PSMA3: variants seen among roughly 807,000 people sequenced by gnomAD.
PSMA3 encodes the protein proteasome 20S subunit alpha 3.
Under a neutral mutation model 40.0 loss-of-function variants are expected in PSMA3, and 8 were observed. The observed-to-expected ratio is 0.20, with a 90% CI of 0.12 to 0.36. PSMA3 has a LOEUF of 0.36. Among genes scored for constraint, PSMA3 ranks in the 10% least tolerant of loss-of-function variants. The pLI is 1.00. For synonymous variants in PSMA3, 110 were observed against 100.0 expected (o/e 1.10, Z -0.59); for missense variants, 219 against 310.6 (o/e 0.70, Z 2.22).
At chr14:58,267,784 T>A in intron 8 of PSMA3, 1 of 383,662 alleles carries the variant, frequency 2.6e-6, no homozygotes, top group Non-Finnish European at 3.8e-6. Context: ...ATTAGGGTCT[T>A]AATTTGTTAG....
chr14:58,264,497 TGA>T (rs1402668920), intron 7 of PSMA3, among the ~76,000 whole-genome samples: 2 of 152,322 alleles, frequency 1.3e-5, no homozygotes, highest in South Asian at 2.1e-4. Flanking sequence ...TCAATATTAT[TGA>T]TTACCTGTCA....
intron 9 of PSMA3, 77 bp from the exon 10 acceptor site, chr14:58,270,857 T>A (rs1468136506): frequency 8.2e-7 from 1 of 1,220,952 alleles, no homozygotes; most frequent in Non-Finnish European, 1.2e-6. Context: ...GTGGATTGGG[T>A]AGATCCTATG....
At chr14:58,256,416 CT>C (rs377353285) in intron 3 of PSMA3, among the ~76,000 whole-genome samples, 406 of 136,524 alleles carry the variant, frequency 3.0e-3, no homozygotes, top group Middle Eastern at 7.3e-3. Flanking sequence ...TGAGCATTTC[CT>C]TTTTTTTTTT....
chr14:58,253,151 A>C (rs571359766), intron 3 of PSMA3, among the ~76,000 whole-genome samples: 52 of 152,038 alleles, frequency 3.4e-4, no homozygotes, highest in African/African-American at 1.2e-3. Context: ...TGCCCAGCTA[A>C]TTTTTATATT....
At chr14:58,267,356 C>A in intron 7 of PSMA3, 118 bp from the exon 8 acceptor site, 1 of 1,257,902 alleles carries the variant, frequency 7.9e-7, no homozygotes, top group Non-Finnish European at 1.0e-6. Context: ...CGATTCTGGT[C>A]TTTTTCAGAC....
intron 3 of PSMA3, among the ~76,000 whole-genome samples, chr14:58,253,686 C>T (rs774143091): frequency 6.6e-5 from 10 of 152,064 alleles, no homozygotes; most frequent in Non-Finnish European, 1.5e-4. Flanking sequence ...CTCTGCCTCC[C>T]GGGTTCAAGC....
At chr14:58,251,414 T>C (rs1189232011) in intron 2 of PSMA3, among the ~76,000 whole-genome samples, 1 of 152,152 alleles carries the variant, frequency 6.6e-6, no homozygotes, top group Non-Finnish European at 1.5e-5. Context: ...GCCTCCCAGG[T>C]AGCTGGGACT....
chr14:58,257,619 A>T, intron 3 of PSMA3, 126 bp from the exon 4 acceptor site: 1 of 753,930 alleles, frequency 1.3e-6, no homozygotes, highest in Non-Finnish European at 2.1e-6. Context: ...AGAGACCTTT[A>T]AGCCAAAAAA....
At chr14:58,255,852 CTGTTTTTGTTTT>C (rs752930955) in intron 3 of PSMA3, among the ~76,000 whole-genome samples, 1 of 152,246 alleles carries the variant, frequency 6.6e-6, no homozygotes, top group Non-Finnish European at 1.5e-5. Context: ...AACTGCAATT[CTGTTTTTGTTTT>C]TGTTTTTGTT....
intron 3 of PSMA3, among the ~76,000 whole-genome samples, chr14:58,255,183 G>C (rs1890115562): frequency 1.3e-5 from 1 of 75,728 alleles, no homozygotes; most frequent in African/African-American, 5.3e-5. Flanking sequence ...AAACTTAGTA[G>C]CCGTTTTTTT....
At chr14:58,259,434 C>T (rs1242938655) in intron 5 of PSMA3, among the ~76,000 whole-genome samples, 1 of 152,160 alleles carries the variant, frequency 6.6e-6, no homozygotes, top group Admixed American at 6.6e-5. Flanking sequence ...CCTGCCTCAA[C>T]CTCCTGAGTA....
chr14:58,268,104 T>G (rs1566645065), intron 8 of PSMA3: 2 of 152,212 alleles, frequency 1.3e-5, no homozygotes, highest in Admixed American at 1.3e-4. Context: ...TAACAGGTAT[T>G]TGGACAGTAA....
intron 8 of PSMA3, 26 bp from the exon 9 acceptor site, chr14:58,270,392 T>G (rs543974074): frequency 6.2e-7 from 1 of 1,612,542 alleles, no homozygotes; most frequent in Non-Finnish European, 8.5e-7. Context: ...GTTACCAAAA[T>G]CTTACCTTTC....
At chr14:58,270,645 CGTT>C (rs1318230413) in intron 9 of PSMA3, among the ~76,000 whole-genome samples, 160 bp downstream of exon 9, 3 of 152,140 alleles carry the variant, frequency 2.0e-5, no homozygotes, top group African/African-American at 4.8e-5. Flanking sequence ...GTTGTGAACA[CGTT>C]ATTTTTTGAA....
At chr14:58,263,202 C>T (rs1380219904) in intron 6 of PSMA3, among the ~76,000 whole-genome samples, 2 of 152,006 alleles carry the variant, frequency 1.3e-5, no homozygotes, top group Non-Finnish European at 2.9e-5. Context: ...CCAGGCCGGT[C>T]TCCAACTCCT....
intron 2 of PSMA3, among the ~76,000 whole-genome samples, chr14:58,249,445 C>T (rs779375007): frequency 6.6e-6 from 1 of 152,184 alleles, no homozygotes; most frequent in Non-Finnish European, 1.5e-5. Flanking sequence ...CTGCCTTGGC[C>T]TCCCAAAGTG....
Position 58,257,996 on chromosome 14 carries a change from C to T in PSMA3, c.402C>T (p.Cys134=), listed in dbSNP as rs1890186176. ...TLYSAVRPFG[C]SFMLGSYSVN... ...ACAGTGCTGTTAGACCTTTTGGCTG[C>T]AGGTAAGAAATTTTGTGAATTATTC... is the stretch of plus-strand genomic sequence containing the variant. The change falls in exon 5 of 11, where the codon TGC becomes TGT. Residue 134 remains cysteine (C), a splice_region_variant and synonymous_variant. Transcript: ENST00000216455. The T allele has an allele frequency of 6.2e-7, 1 of 1,612,124 alleles. No individual in the cohort carries two copies. Among genetic ancestry groups the T allele is most frequent in the Non-Finnish European group, 8.5e-7 (1 of 1,178,262 alleles).
chr14:58,267,430 GA>G, intron 7 of PSMA3, 43 bp from the exon 8 acceptor site: 3 of 1,440,344 alleles, frequency 2.1e-6, no homozygotes, highest in Middle Eastern at 1.8e-4. Flanking sequence ...TACACAAGTG[GA>G]AAATGTTCTT....
chr14:58,271,255 C>CA (rs35375876), intron 10 of PSMA3, among the ~76,000 whole-genome samples: 75,289 of 138,292 alleles, frequency 0.54, 20,124 homozygotes, highest in Middle Eastern at 0.69. Flanking sequence ...GCCTTGGTTC[C>CA]AAAAAAAAAA....
Sources: allele counts gnomAD v4.1 joint callset (sites outside exome capture counted in the v4.1 genomes callset), GRCh38; gene constraint gnomAD v4.1.1; transcripts MANE v1.5; gene names NCBI Gene and HGNC (gene_info 2026-07-23, HGNC 2026-07-21).